The following OPA1 variants were observed in gnomAD, a reference collection of about 807,000 sequenced individuals.
OPA1 encodes the protein dynamin-like GTPase OPA1, mitochondrial.
A neutral mutation model predicts 152.9 loss-of-function variants in OPA1; 59 were observed. The observed-to-expected ratio is 0.39, with a 90% confidence interval of 0.31 to 0.48. The LOEUF is 0.48. Among genes scored for constraint, OPA1 ranks in the 20% least tolerant of loss-of-function variants. The pLI is 0.96. For missense variants in OPA1, 1,008 were observed against 1,216.8 expected (o/e 0.83, Z 2.55); for synonymous variants, 400 against 389.9 (o/e 1.03, Z -0.31).
chr3:193,642,977 T>C lies in OPA1; in HGVS notation c.1233T>C (p.Leu411=), dbSNP rs1734008954. ...REFDLTKEED[L]AALRHEIELR... ...TAGGATTTTGTGTTTTCCATTAGCT[T>C]GCAGCATTAAGACATGAAATAGAAC... Residue 411 remains leucine, a splice_region_variant and synonymous_variant, in exon 13 of 31, where the codon CTT becomes CTC. Coordinates refer to ENST00000361510, the MANE Select transcript of OPA1 (RefSeq NM_130837.3). 3 of 1,613,320 alleles carry C rather than the reference T, an allele frequency of 1.9e-6. No homozygotes were observed. Among genetic ancestry groups the C allele is most frequent in the Non-Finnish European group, 8.5e-7 (1 of 1,179,380 alleles).
At chr3:193,615,518 A>G (rs1354093716) in intron 2 of OPA1, among the ~76,000 whole-genome samples, 156 bp from the exon 3 acceptor site, 1 of 152,226 alleles carries the variant, frequency 6.6e-6, no homozygotes, top group Non-Finnish European at 1.5e-5. Context: ...CTTGTTTTAT[A>G]TGCTTGTTTG....
At chr3:193,636,129 A>T (rs1732890045) in intron 9 of OPA1, among the ~76,000 whole-genome samples, 1 of 152,162 alleles carries the variant, frequency 6.6e-6, no homozygotes, top group Non-Finnish European at 1.5e-5. Flanking sequence ...AAGTAAGCAG[A>T]GTTTATATGT....
At chr3:193,685,710 G>A (rs1230321918) in intron 29 of OPA1, among the ~76,000 whole-genome samples, 2 of 152,120 alleles carry the variant, frequency 1.3e-5, no homozygotes, top group Non-Finnish European at 2.9e-5. Flanking sequence ...ATGGCAATTT[G>A]TGGTTACATA....
At chr3:193,664,178 G>A (rs1401376317) in intron 26 of OPA1, among the ~76,000 whole-genome samples, 1 of 152,060 alleles carries the variant, frequency 6.6e-6, no homozygotes, top group Non-Finnish European at 1.5e-5. Flanking sequence ...AAAATAAGTA[G>A]CAAAGTACCA....
At chr3:193,638,746 C>G (rs987736215) in intron 11 of OPA1, among the ~76,000 whole-genome samples, 1 of 152,148 alleles carries the variant, frequency 6.6e-6, no homozygotes, top group Non-Finnish European at 1.5e-5. Flanking sequence ...TAGGATTTGA[C>G]ATTTTCAGCT....
chr3:193,642,888 C>A (rs565321353), intron 12 of OPA1, 43 bp downstream of exon 12: 13 of 1,546,758 alleles, frequency 8.4e-6, no homozygotes, highest in Middle Eastern at 3.4e-4. Context: ...AATTTTATAA[C>A]CTGGATGAGC....
At chr3:193,657,533 T>C (rs1484125783) in intron 23 of OPA1, among the ~76,000 whole-genome samples, 1 of 152,222 alleles carries the variant, frequency 6.6e-6, no homozygotes, top group Non-Finnish European at 1.5e-5. Context: ...TGTCTGTAGA[T>C]AGGTGCTTCT....
rs979429155 is a variant in OPA1 at position 193,668,696 on chromosome 3, C to G, written c.2983+1416C>G. On this transcript the variant is annotated intron_variant, in intron 29 of 30. Coordinates refer to ENST00000361510, the MANE Select transcript of OPA1 (RefSeq NM_130837.3). ...AGCCCCATGTGAACCCATTGTAACC[C>G]AGGTCAGGCATTAACACCTGCAGTA... 4.3e-6 allele frequency: 6 copies of G among 1,382,328 alleles called. No individual in the cohort carries two copies. In the African/African-American group the frequency reaches 7.2e-5, roughly 17 times the overall value. The allele number at this position is 1,382,328 out of a possible 1,614,324, so 85.6% of individuals were successfully genotyped here.
At chr3:193,693,143 G>C (rs766528558) in intron 30 of OPA1, among the ~76,000 whole-genome samples, 1 of 152,186 alleles carries the variant, frequency 6.6e-6, no homozygotes, top group Non-Finnish European at 1.5e-5. Flanking sequence ...GGCTACGCTC[G>C]GTTCAGGTCA....
In OPA1 at chr3:193,614,936, C is replaced by T. The variant is rs201580797; in HGVS notation, c.246C>T (p.Tyr82=). The T allele has an allele frequency of 1.2e-6, 2 of 1,612,448 alleles. No homozygotes were observed. Among genetic ancestry groups the T allele is most frequent in the African/African-American group, 1.3e-5 (1 of 74,910 alleles). ...AATTCTCTCCAATTAAATATGGCTACCAGCCTCGCAGGAATTTTTGGCCAG... is the reference window on the plus strand; with the variant it reads ...AATTCTCTCCAATTAAATATGGCTATCAGCCTCGCAGGAATTTTTGGCCAG... The part of the protein sequence containing the change: ...KLKFSPIKYG[Y]QPRRNFWPAR... The change falls in exon 2 of 31, where the codon TAC becomes TAT. Residue 82 remains tyrosine (Y), a synonymous_variant. Transcript: ENST00000361510.
chr3:193,633,605 A>G (rs1334698969), intron 8 of OPA1, among the ~76,000 whole-genome samples: 1 of 152,220 alleles, frequency 6.6e-6, no homozygotes. Flanking sequence ...GAAATATACA[A>G]GCCACCTGTG....
intron 21 of OPA1, among the ~76,000 whole-genome samples, chr3:193,652,757 G>A (rs1712828705): frequency 6.6e-6 from 1 of 152,152 alleles, no homozygotes; most frequent in African/African-American, 2.4e-5. Context: ...GGGATGGAGG[G>A]GAGCAGTGGG....
chr3:193,664,967 T>C lies in OPA1; in HGVS notation c.2749T>C (p.Tyr917His). The stretch of plus-strand genomic sequence containing the variant: ...TAACCTTTGTCGAAGAGGTTTTTAT[T>C]ACTACCAAAGGCATTTTGTAGATTC... ...HCNLCRRGFY[Y>H]YQRHFVDSEL... Residue 917 changes from tyrosine (Y) to histidine (H), a missense_variant, in exon 27 of 31, where the codon TAC becomes CAC. Tyr to His is a moderately conservative substitution (Grantham distance 83). Around this residue, in one of 7 missense-constraint regions of OPA1, gnomAD observed 137 missense variants for 171.0 expected, o/e 0.80. Coordinates refer to ENST00000361510, the MANE Select transcript of OPA1 (RefSeq NM_130837.3). 4 of 1,601,962 alleles carry C rather than the reference T, an allele frequency of 2.5e-6. No individual in the cohort carries two copies. The Middle Eastern group carries it at 6.6e-4, about 266-fold the overall frequency.
intron 1 of OPA1, among the ~76,000 whole-genome samples, 195 bp from the exon 2 acceptor site, chr3:193,614,528 C>T (rs1315338839): frequency 6.6e-6 from 1 of 152,152 alleles, no homozygotes; most frequent in Non-Finnish European, 1.5e-5. Context: ...GGATTGTTAG[C>T]AGGATTAAAT....
intron 8 of OPA1, among the ~76,000 whole-genome samples, chr3:193,632,287 C>G (rs1013076047): frequency 6.6e-6 from 1 of 152,136 alleles, no homozygotes; most frequent in Non-Finnish European, 1.5e-5. Flanking sequence ...CGAGACCATC[C>G]TGGCTAACAC....
intron 8 of OPA1, among the ~76,000 whole-genome samples, chr3:193,632,728 C>T (rs2108986703): frequency 6.6e-6 from 1 of 151,686 alleles, no homozygotes; most frequent in South Asian, 2.1e-4. Context: ...AAAAATTAGC[C>T]AGGTGTGGTG....
At chr3:193,637,353 T>A in intron 10 of OPA1, 72 bp downstream of exon 10, 1 of 891,524 alleles carries the variant, frequency 1.1e-6, no homozygotes, top group Non-Finnish European at 1.9e-6. Context: ...AAAAATTATG[T>A]GTATATATGT....
chr3:193,679,446 C>G (rs544550560), intron 29 of OPA1, among the ~76,000 whole-genome samples: 1 of 152,192 alleles, frequency 6.6e-6, no homozygotes, highest in African/African-American at 2.4e-5. Context: ...TACAAAACTT[C>G]TGCTTGTCCA....
intron 21 of OPA1, among the ~76,000 whole-genome samples, chr3:193,649,451 C>T (rs991664449): frequency 3.3e-5 from 5 of 152,136 alleles, no homozygotes; most frequent in African/African-American, 4.8e-5. Context: ...GAATGAGACA[C>T]GGTAAAACAA....
Sources: allele counts gnomAD v4.1 joint callset (sites outside exome capture counted in the v4.1 genomes callset), GRCh38; gene constraint gnomAD v4.1.1; regional missense constraint gnomAD v4.1.1; transcripts MANE v1.5; gene names NCBI Gene and HGNC (gene_info 2026-07-23, HGNC 2026-07-21).